The following LYPD3 variants were observed in gnomAD, a reference collection of about 807,000 sequenced individuals.
LYPD3 encodes LY6/PLAUR domain containing 3, also known as ly6/PLAUR domain-containing protein 3.
A neutral mutation model predicts 21.7 loss-of-function variants in LYPD3; 22 were observed. That is an observed-to-expected ratio of 1.01 (90% CI 0.72 to 1.45). The LOEUF (loss-of-function observed/expected upper bound fraction) is 1.45. Ranked by LOEUF, LYPD3 falls within the 40% of genes most tolerant of loss-of-function variation. LYPD3 has a pLI of 0.00. For synonymous variants in LYPD3, 179 were observed against 203.0 expected, an observed-to-expected ratio of 0.88 and a Z score of 1.00; for missense variants, 471 against 466.9, an observed-to-expected ratio of 1.01 and a Z score of -0.08.
intron 2 of LYPD3, 70 bp from the exon 3 acceptor site, chr19:43,463,839 T>A: frequency 1.3e-6 from 2 of 1,519,184 alleles, no homozygotes; most frequent in East Asian, 2.3e-5. Flanking sequence ...CAGAGTTGGG[T>A]AGGGTCTGGG....
At chr19:43,462,164 T>C (rs988575978) in intron 4 of LYPD3, among the ~76,000 whole-genome samples, 6 of 152,236 alleles carry the variant, frequency 3.9e-5, no homozygotes, top group Non-Finnish European at 8.8e-5. Context: ...ACATGGTGGA[T>C]TAACATTTTC....
Position 43,461,330 on chromosome 19 carries a change from G to A in LYPD3, c.*21C>T. ...CAGGGCCAGAGAAGTAGGTGAGAGG[G>A]AAATTTCCAGGTGGAGAAGCTCACA... On this transcript the variant is annotated 3_prime_UTR_variant, in exon 5 of 5. Transcript: ENST00000244333. 2 of 1,568,076 alleles carry A rather than the reference G, an allele frequency of 1.3e-6. No homozygotes were observed. Among genetic ancestry groups the A allele is most frequent in the Non-Finnish European group, 1.7e-6 (2 of 1,155,308 alleles).
rs554030406 is a variant in LYPD3, at chr19:43,464,187, T to C, written c.211+138A>G. On this transcript the variant is annotated intron_variant, in intron 2 of 4. Transcript: ENST00000244333. ...AGGCCTGGCCTGCAAGGCTGTGTCG[T>C]AGGGTCCCGGCCAGGCTGAAAGGGA... is the stretch of plus-strand genomic sequence containing the variant. 19 of 1,159,478 alleles carry C rather than the reference T, an allele frequency of 1.6e-5. No individual in the cohort carries two copies. In the African/African-American group the frequency reaches 2.8e-4, roughly 17 times the overall value. The allele number at this position is 1,159,478 out of a possible 1,614,324, so 71.8% of individuals were successfully genotyped here. A position where few individuals can be genotyped will look rare whatever the true frequency, so the allele number is the denominator to read the frequency against.
Position 43,463,104 on chromosome 19 carries a change from C to T in LYPD3, c.544+22G>A, listed in dbSNP as rs769068281. 2.5e-6 allele frequency: 4 copies of T among 1,610,044 alleles called. No homozygotes were observed. The South Asian group carries it at 4.4e-5, about 18-fold the overall frequency. ...AGGGCTACCACAACTCCCGTAGGTC[C>T]CGTGCTCCGGGGCTCCCTCACCTGC... On this transcript the variant is annotated intron_variant, in intron 4 of 4. Coordinates refer to ENST00000244333, the MANE Select transcript of LYPD3 (RefSeq NM_014400.3).
At chr19:43,465,004 A>G (rs1239532772) in intron 1 of LYPD3, among the ~76,000 whole-genome samples, 3 of 139,492 alleles carry the variant, frequency 2.2e-5, no homozygotes, top group Non-Finnish European at 4.5e-5. Flanking sequence ...ATCTCGGCTC[A>G]CTGCAACCTC....
At chr19:43,465,425 G>T in intron 1 of LYPD3, 68 bp downstream of exon 1, 1 of 1,552,930 alleles carries the variant, frequency 6.4e-7, no homozygotes, top group Non-Finnish European at 8.8e-7. Flanking sequence ...CTCTGTACGG[G>T]GCCAGAGGAG....
At chr19:43,464,910 A>T (rs944169291) in intron 1 of LYPD3, among the ~76,000 whole-genome samples, 1 of 143,558 alleles carries the variant, frequency 7.0e-6, no homozygotes, top group African/African-American at 2.6e-5. Flanking sequence ...GACAGGGAAC[A>T]CTTTTTTCTT....
intron 4 of LYPD3, 62 bp from the exon 5 acceptor site, chr19:43,461,909 C>CTTT: frequency 6.5e-7 from 1 of 1,548,102 alleles, no homozygotes; most frequent in East Asian, 2.3e-5. Context: ...ATGGCCAGAA[C>CTTT]AAAACTTAGA....
chr19:43,461,175 C>G lies in LYPD3; in HGVS notation c.*176G>C. The G allele has an allele frequency of 1.4e-6, 1 of 715,128 alleles. No individual in the cohort carries two copies. Among genetic ancestry groups the G allele is most frequent in the Admixed American group, 3.0e-5 (1 of 33,898 alleles). The allele number at this position is 715,128 out of a possible 1,614,324, so 44.3% of individuals were successfully genotyped here. A position where few individuals can be genotyped will look rare whatever the true frequency, so the allele number is the denominator to read the frequency against. ...AACACCCCTGGCAGAATATATACAA[C>G]GGTATTTTATTTCCCAAAGCCGCAA... On this transcript the variant is annotated 3_prime_UTR_variant, in exon 5 of 5. Transcript: ENST00000244333.
chr19:43,462,754 C>A (rs1970785768), intron 4 of LYPD3, among the ~76,000 whole-genome samples: 1 of 152,204 alleles, frequency 6.6e-6, no homozygotes, highest in Non-Finnish European at 1.5e-5. Context: ...TCCATGGTTA[C>A]ATTTCTCAAT....
chr19:43,461,226 C>A lies in LYPD3; in HGVS notation c.*125G>T. The A allele has an allele frequency of 8.6e-7, 1 of 1,156,824 alleles. No individual in the cohort carries two copies. Among genetic ancestry groups the A allele is most frequent in the African/African-American group, 1.6e-5 (1 of 63,882 alleles). 71.7% of individuals were successfully genotyped at this position (1,156,824 alleles called of 1,614,324 possible). A position where few individuals can be genotyped will look rare whatever the true frequency, so the allele number is the denominator to read the frequency against. On this transcript the variant is annotated 3_prime_UTR_variant, in exon 5 of 5. Transcript: ENST00000244333. ...ACCAGCGCAGCAGAAGCTGGGGATA[C>A]TGGGGAATGTTGGAAAAACAGGGGC...
rs1806907753 is a variant in LYPD3 at position 43,461,465 on chromosome 19, T to A, written c.927A>T (p.Ser309=). Residue 309 remains serine, a synonymous_variant, in exon 5 of 5, where the codon TCA becomes TCT. Transcript: ENST00000244333. The stretch of plus-strand genomic sequence containing the variant: ...GCCCCCCTTTTGCAGGATACTGCCC[T>A]GAATTGCTGCGGTCCTGGTGGCCAG... The part of the protein sequence containing the change: ...GAAGHQDRSN[S]GQYPAKGGPQ... The A allele has an allele frequency of 6.2e-7, 1 of 1,614,026 alleles. No homozygotes were observed. Among genetic ancestry groups the A allele is most frequent in the South Asian group, 1.1e-5 (1 of 91,090 alleles).
chr19:43,463,571 C>G (rs1434329883), intron 3 of LYPD3, 28 bp downstream of exon 3: 2 of 1,596,594 alleles, frequency 1.3e-6, no homozygotes, highest in South Asian at 1.1e-5. Flanking sequence ...GGCTCCGCCC[C>G]CGCAGCTACG....
intron 1 of LYPD3, among the ~76,000 whole-genome samples, 193 bp from the exon 2 acceptor site, chr19:43,464,649 C>G (rs952745526): frequency 2.0e-5 from 3 of 152,240 alleles, no homozygotes; most frequent in African/African-American, 7.2e-5. Context: ...TTCCTTCACA[C>G]CCACTATGCC....
At position 43,461,678 on chromosome 19, in the gene LYPD3, A is replaced by C. The variant is rs756329678; in HGVS notation, c.714T>G (p.Leu238=). Residue 238 remains leucine, a synonymous_variant, in exon 5 of 5, where the codon CTT becomes CTG. Transcript: ENST00000244333. ...KTYFSPRIPP[L]VRLPPPEPTT... ...TGGGCTCTGGAGGGGGCAGCCGGAC[A>C]AGGGGTGGGATTCGAGGGGAGAAGT... 9.3e-6 allele frequency: 15 copies of C among 1,614,054 alleles called. No homozygotes were observed. The South Asian group carries it at 1.6e-4, about 18-fold the overall frequency.
intron 1 of LYPD3, among the ~76,000 whole-genome samples, chr19:43,464,733 G>A (rs1419785431): frequency 6.6e-6 from 1 of 152,010 alleles, no homozygotes; most frequent in African/African-American, 2.4e-5. Flanking sequence ...CCCTCATCCC[G>A]GGGTAGGAAG....
intron 3 of LYPD3, 78 bp from the exon 4 acceptor site, chr19:43,463,365 A>G: frequency 2.0e-6 from 3 of 1,521,786 alleles, no homozygotes; most frequent in Non-Finnish European, 2.7e-6. Context: ...CCCGCCCCTA[A>G]GGCCTGGCCC....
rs750287365 is a variant in LYPD3 at position 43,463,798 on chromosome 19, C to CTG, written c.212-31_212-30dup. On this transcript the variant is annotated intron_variant, in intron 2 of 4. Transcript: ENST00000244333. Reference sequence around the variant, plus strand: ...GGGAGAGGGACAAGGGCGGGATTAGCTGTGGGCGTGGTCTCAGATGGGGCG... The same window carrying CTG: ...GGGAGAGGGACAAGGGCGGGATTAGCTGTGTGGGCGTGGTCTCAGATGGGGCG... The CTG allele has an allele frequency of 9.3e-6, 15 of 1,609,134 alleles. No homozygotes were observed. The Admixed American group carries it at 1.7e-4, about 18-fold the overall frequency.
In LYPD3 at chr19:43,464,286, G is replaced by T. The variant is rs758315453; in HGVS notation, c.211+39C>A. 1.9e-6 allele frequency: 3 copies of T among 1,567,350 alleles called. No individual in the cohort carries two copies. In the African/African-American group the frequency reaches 4.1e-5, roughly 21 times the overall value. On this transcript the variant is annotated intron_variant, in intron 2 of 4. Transcript: ENST00000244333. ...AAGGAGGCGGGGCTGGGCCGGAGGA[G>T]CCTGCAGTGGTGTGCGTGGCCCGGG...
Sources: gnomAD v4.1 joint callset for allele counts (sites outside exome capture counted in the v4.1 genomes callset) on GRCh38, gnomAD v4.1.1 for gene constraint, MANE v1.5 for transcripts, NCBI Gene and HGNC (gene_info 2026-07-23, HGNC 2026-07-21) for gene names.